The following SNX30 variants were observed in gnomAD, a reference collection of about 807,000 sequenced individuals.
SNX30 encodes sorting nexin-30.
A neutral mutation model predicts 46.4 loss-of-function variants in SNX30; 24 were observed. That is an observed-to-expected ratio of 0.52 (90% confidence interval 0.37 to 0.73). The LOEUF (loss-of-function observed/expected upper bound fraction) is 0.73. Among genes scored for constraint, SNX30 ranks in the 30% least tolerant of loss-of-function variants. SNX30 has a pLI of 0.00. For synonymous variants in SNX30, 189 were observed against 211.5 expected, an observed-to-expected ratio of 0.89 and a Z score of 0.92; for missense variants, 533 against 555.7, an observed-to-expected ratio of 0.96 and a Z score of 0.41.
At chr9:112,763,807 CCACTG>C (rs1180814773) in intron 1 of SNX30, among the ~76,000 whole-genome samples, 1 of 150,762 alleles carries the variant, frequency 6.6e-6, no homozygotes, top group East Asian at 1.9e-4. Context: ...CAAGATTGTG[CCACTG>C]CACTCCAGCC....
At chr9:112,787,089 A>G (rs1839941644) in intron 1 of SNX30, among the ~76,000 whole-genome samples, 1 of 152,178 alleles carries the variant, frequency 6.6e-6, no homozygotes, top group Admixed American at 6.5e-5. Context: ...CCAGCCTGGA[A>G]GGCCATCTGT....
intron 1 of SNX30, among the ~76,000 whole-genome samples, chr9:112,791,881 A>G (rs7039715): frequency 0.54 from 82,043 of 152,042 alleles, 22,253 homozygotes; most frequent in Middle Eastern, 0.65. Context: ...AATGTAATAA[A>G]TTGTATTGAT....
In SNX30 at chr9:112,788,945, G is replaced by A. The variant is rs556193670; in HGVS notation, c.157-15831G>A. ...CCAGTAGATGGGACCACAGGCATGC[G>A]CCACCACGCCCAGCTAATTTTTGTA... is the stretch of plus-strand genomic sequence containing the variant. On this transcript the variant is annotated intron_variant, in intron 1 of 8. Coordinates refer to ENST00000374232, the MANE Select transcript of SNX30 (RefSeq NM_001012994.2). 9.9e-5 allele frequency among the ~76,000 whole-genome samples: 15 copies of A among 152,240 alleles called. No individual in the cohort carries two copies. The South Asian group carries it at 1.5e-3, about 15-fold the overall frequency.
rs1169710570 is a variant in SNX30 at position 112,869,046 on chromosome 9, A to C, written c.*203A>C. The C allele has an allele frequency of 3.4e-6, 2 of 589,534 alleles. No homozygotes were observed. Among genetic ancestry groups the C allele is most frequent in the African/African-American group, 3.7e-5 (2 of 53,702 alleles). 36.5% of individuals were successfully genotyped at this position (589,534 alleles called of 1,614,324 possible). A position where few individuals can be genotyped will look rare whatever the true frequency, so the allele number is the denominator to read the frequency against. On this transcript the variant is annotated 3_prime_UTR_variant, in exon 9 of 9. Transcript: ENST00000374232. ...CCATGGTGGAGTCTGTGAGGCTAGA[A>C]TATCTCTCAGCAAGAGCAGCATACC...
intron 1 of SNX30, among the ~76,000 whole-genome samples, chr9:112,785,318 C>T (rs912283825): frequency 3.3e-5 from 5 of 151,624 alleles, no homozygotes; most frequent in South Asian, 2.1e-4. Flanking sequence ...TGGGCTTAAG[C>T]GATCCTCCCA....
chr9:112,836,478 T>C (rs1266555420), intron 5 of SNX30, 69 bp downstream of exon 5: 4 of 1,494,950 alleles, frequency 2.7e-6, no homozygotes, highest in Non-Finnish European at 3.6e-6. Context: ...TCATGTGTGC[T>C]ACAGAGAATC....
At chr9:112,797,703 T>G (rs1840129414) in intron 1 of SNX30, among the ~76,000 whole-genome samples, 1 of 74,574 alleles carries the variant, frequency 1.3e-5, no homozygotes, top group South Asian at 6.0e-4. Context: ...TCTTTTCTTT[T>G]TCTTTTTCTT....
intron 2 of SNX30, among the ~76,000 whole-genome samples, chr9:112,807,433 CAT>C (rs1244655224): frequency 6.6e-6 from 1 of 152,150 alleles, no homozygotes; most frequent in Non-Finnish European, 1.5e-5. Context: ...TGTGCACATG[CAT>C]AGTCTTACCC....
At chr9:112,797,155 A>G (rs920210560) in intron 1 of SNX30, among the ~76,000 whole-genome samples, 2 of 152,180 alleles carry the variant, frequency 1.3e-5, no homozygotes, top group African/African-American at 4.8e-5. Flanking sequence ...AAACAAGATA[A>G]CTAACTAGGC....
At chr9:112,843,071 C>T (rs1297392172) in intron 6 of SNX30, among the ~76,000 whole-genome samples, 1 of 152,108 alleles carries the variant, frequency 6.6e-6, no homozygotes, top group Non-Finnish European at 1.5e-5. Flanking sequence ...TCTTGAAGTC[C>T]TCACCACTTT....
At chr9:112,818,520 G>A (rs113141645) in intron 3 of SNX30, among the ~76,000 whole-genome samples, 1 of 152,130 alleles carries the variant, frequency 6.6e-6, no homozygotes, top group Non-Finnish European at 1.5e-5. Flanking sequence ...GTGAGCCACC[G>A]TGCCTGGCCT....
At chr9:112,858,918 A>T (rs977716593) in intron 7 of SNX30, among the ~76,000 whole-genome samples, 2 of 152,178 alleles carry the variant, frequency 1.3e-5, no homozygotes, top group African/African-American at 2.4e-5. Flanking sequence ...CCATATATTT[A>T]AACAAGATTA....
At chr9:112,844,936 C>T (rs2131470568) in intron 6 of SNX30, among the ~76,000 whole-genome samples, 1 of 152,246 alleles carries the variant, frequency 6.6e-6, no homozygotes, top group South Asian at 2.1e-4. Flanking sequence ...GGTGCCTTTC[C>T]AAAACTGAAA....
intron 2 of SNX30, among the ~76,000 whole-genome samples, chr9:112,810,677 G>A (rs573006620): frequency 6.6e-6 from 1 of 152,218 alleles, no homozygotes; most frequent in African/African-American, 2.4e-5. Context: ...TTAGAGGCTG[G>A]TGTTGTATGT....
At chr9:112,790,432 G>A (rs1840000906) in intron 1 of SNX30, among the ~76,000 whole-genome samples, 1 of 152,194 alleles carries the variant, frequency 6.6e-6, no homozygotes, top group South Asian at 2.1e-4. Flanking sequence ...TCTCCTGCAA[G>A]TCTTCCCATT....
At chr9:112,814,846 T>A (rs1283501711) in intron 2 of SNX30, among the ~76,000 whole-genome samples, 1 of 152,220 alleles carries the variant, frequency 6.6e-6, no homozygotes, top group Non-Finnish European at 1.5e-5. Flanking sequence ...TGCTCAATGG[T>A]GTTTACAAAA....
At chr9:112,791,857 G>T (rs1840030351) in intron 1 of SNX30, among the ~76,000 whole-genome samples, 1 of 152,254 alleles carries the variant, frequency 6.6e-6, no homozygotes, top group East Asian at 1.9e-4. Context: ...ATAGTGTAAT[G>T]AAGTAATGTT....
At chr9:112,797,744 C>G (rs1270878952) in intron 1 of SNX30, among the ~76,000 whole-genome samples, 1 of 123,616 alleles carries the variant, frequency 8.1e-6, no homozygotes, top group Non-Finnish European at 1.6e-5. Flanking sequence ...GAGTCTTGCT[C>G]TGTCGCCCAG....
chr9:112,876,526 G>C (rs371215030), downstream of SNX30, among the ~76,000 whole-genome samples: 6 of 152,316 alleles, frequency 3.9e-5, no homozygotes, highest in African/African-American at 1.4e-4. Context: ...CTTTAGGTTT[G>C]AGGAAATCCA....
Sources: allele counts gnomAD v4.1 joint callset (sites outside exome capture counted in the v4.1 genomes callset), GRCh38; gene constraint gnomAD v4.1.1; transcripts MANE v1.5; gene names NCBI Gene and HGNC (gene_info 2026-07-23, HGNC 2026-07-21).